Variants in HS6ST3 observed in about 807,000 individuals in gnomAD.
HS6ST3 encodes heparan sulfate 6-O-sulfotransferase 3, also known as heparan-sulfate 6-O-sulfotransferase 3.
HS6ST3 carries 12 observed loss-of-function variants against 36.7 expected under a neutral mutation model. The observed-to-expected ratio is 0.33, with a 90% confidence interval of 0.21 to 0.53. The LOEUF (loss-of-function observed/expected upper bound fraction) is 0.53, where lower values mean the gene tolerates loss of function less well. HS6ST3 is among the 20% of genes least tolerant of loss of function. The pLI, the probability that HS6ST3 is intolerant of heterozygous loss-of-function variation, is 0.95. For missense variants in HS6ST3, 584 were observed against 640.9 expected, an observed-to-expected ratio of 0.91 and a Z score of 0.96; for synonymous variants, 240 against 257.5, an observed-to-expected ratio of 0.93 and a Z score of 0.65.
intron 1 of HS6ST3, among the ~76,000 whole-genome samples, chr13:96,392,052 C>T (rs542351118): frequency 6.6e-6 from 1 of 152,326 alleles, no homozygotes; most frequent in African/African-American, 2.4e-5. Context: ...GGCCCACTCT[C>T]TGCTGTAGCA....
intron 1 of HS6ST3, among the ~76,000 whole-genome samples, chr13:96,564,834 G>A (rs2056275153): frequency 6.6e-6 from 1 of 152,170 alleles, no homozygotes; most frequent in East Asian, 1.9e-4. Flanking sequence ...AACACTCGTA[G>A]TAACTAAATT....
At chr13:96,662,825 T>G (rs1459118936) in intron 1 of HS6ST3, among the ~76,000 whole-genome samples, 1 of 152,098 alleles carries the variant, frequency 6.6e-6, no homozygotes, top group African/African-American at 2.4e-5. Flanking sequence ...TTATATTGGT[T>G]AGGGTCTTTG....
At chr13:96,384,343 T>C (rs192213640) in intron 1 of HS6ST3, among the ~76,000 whole-genome samples, 1 of 152,340 alleles carries the variant, frequency 6.6e-6, no homozygotes, top group East Asian at 1.9e-4. Context: ...CTGACCTTAC[T>C]TGCGGCAAAT....
intron 1 of HS6ST3, chr13:96,169,743 G>A (rs1478334451): frequency 6.6e-6 from 1 of 152,282 alleles, no homozygotes; most frequent in Non-Finnish European, 1.5e-5. Context: ...ACATGGCCTG[G>A]GGCCAAATGG....
At chr13:96,152,252 C>A (rs527801855) in intron 1 of HS6ST3, among the ~76,000 whole-genome samples, 3 of 152,080 alleles carry the variant, frequency 2.0e-5, no homozygotes, top group Non-Finnish European at 4.4e-5. Context: ...GCTATTATTG[C>A]CACTCCCCAG....
chr13:96,753,316 T>C (rs1251906597), intron 1 of HS6ST3, among the ~76,000 whole-genome samples: 1 of 152,222 alleles, frequency 6.6e-6, no homozygotes, highest in African/African-American at 2.4e-5. Context: ...GAAAGAATTA[T>C]ACCTTTTAGG....
intron 1 of HS6ST3, among the ~76,000 whole-genome samples, chr13:96,363,968 C>A (rs2055251562): frequency 6.6e-6 from 1 of 151,916 alleles, no homozygotes; most frequent in Non-Finnish European, 1.5e-5. Context: ...GAAAAATACA[C>A]CTTTACAAAA....
At chr13:96,395,115 A>G (rs192191628) in intron 1 of HS6ST3, among the ~76,000 whole-genome samples, 7 of 152,244 alleles carry the variant, frequency 4.6e-5, no homozygotes, top group Admixed American at 2.0e-4. Flanking sequence ...GAAGATTTCT[A>G]TTTGCTCCAG....
At chr13:96,730,143 T>C (rs74558396) in intron 1 of HS6ST3, among the ~76,000 whole-genome samples, 2,548 of 152,304 alleles carry the variant, frequency 0.017, 74 homozygotes, top group African/African-American at 0.058. Flanking sequence ...CCCCATTTAG[T>C]GTCATTTGGA....
At chr13:96,781,988 G>A (rs1055505533) in intron 1 of HS6ST3, among the ~76,000 whole-genome samples, 3 of 152,070 alleles carry the variant, frequency 2.0e-5, no homozygotes, top group African/African-American at 7.2e-5. Context: ...ATTATATCAT[G>A]CCTGACATCC....
intron 1 of HS6ST3, among the ~76,000 whole-genome samples, chr13:96,644,621 G>A (rs2056581534): frequency 6.6e-6 from 1 of 151,980 alleles, no homozygotes; most frequent in African/African-American, 2.4e-5. Flanking sequence ...CTAGGAGACT[G>A]ATTAACATTC....
intron 1 of HS6ST3, among the ~76,000 whole-genome samples, chr13:96,585,462 A>G (rs2056357562): frequency 6.6e-6 from 1 of 152,186 alleles, no homozygotes; most frequent in South Asian, 2.1e-4. Context: ...TATCTTACAT[A>G]GCTATTAGTT....
intron 1 of HS6ST3, among the ~76,000 whole-genome samples, chr13:96,094,599 A>G (rs1285363285): frequency 2.6e-5 from 4 of 152,230 alleles, no homozygotes. Context: ...TTGGTAACAC[A>G]AAAACTATCT....
chr13:96,201,463 C>A lies in HS6ST3; in HGVS notation c.707+109894C>A, dbSNP rs1056196185. 9.2e-5 allele frequency among the ~76,000 whole-genome samples: 14 copies of A among 152,084 alleles called. No homozygotes were observed. The South Asian group carries it at 1.4e-3, about 16-fold the overall frequency. On this transcript the variant is annotated intron_variant, in intron 1 of 1. Transcript: ENST00000376705. Reference sequence around the variant, plus strand: ...AAAATTGATATCGAAAGTAAAAATTCATTATTTTTCATGGAGAGTTATGTT... The same window carrying A: ...AAAATTGATATCGAAAGTAAAAATTAATTATTTTTCATGGAGAGTTATGTT...
At chr13:96,181,485 C>T (rs1051971644) in intron 1 of HS6ST3, among the ~76,000 whole-genome samples, 4 of 152,136 alleles carry the variant, frequency 2.6e-5, no homozygotes, top group African/African-American at 9.7e-5. Flanking sequence ...GTTTTTTCTG[C>T]CTCGTTTGAG....
chr13:96,130,783 G>T (rs1158438706), intron 1 of HS6ST3, among the ~76,000 whole-genome samples: 1 of 152,128 alleles, frequency 6.6e-6, no homozygotes, highest in Non-Finnish European at 1.5e-5. Context: ...GAATTTCTGT[G>T]CAGCTTTCTC....
chr13:96,406,271 A>G (rs1047063564), intron 1 of HS6ST3, among the ~76,000 whole-genome samples: 1 of 152,226 alleles, frequency 6.6e-6, no homozygotes, highest in Non-Finnish European at 1.5e-5. Context: ...TTCAACTAAC[A>G]CTTTGAAGAG....
intron 1 of HS6ST3, among the ~76,000 whole-genome samples, chr13:96,756,191 G>C (rs1434434543): frequency 6.6e-6 from 1 of 151,790 alleles, no homozygotes; most frequent in Non-Finnish European, 1.5e-5. Flanking sequence ...TTATTAATTG[G>C]GAAAACAATA....
intron 1 of HS6ST3, among the ~76,000 whole-genome samples, chr13:96,423,124 T>C (rs1264546719): frequency 2.0e-5 from 3 of 152,148 alleles, no homozygotes; most frequent in African/African-American, 7.2e-5. Context: ...AAAGTAGTCA[T>C]CCAGACAGAA....
Sources: gnomAD v4.1 joint callset for allele counts (sites outside exome capture counted in the v4.1 genomes callset) on GRCh38, gnomAD v4.1.1 for gene constraint, MANE v1.5 for transcripts, NCBI Gene and HGNC (gene_info 2026-07-23, HGNC 2026-07-21) for gene names.